Variants in ZSCAN31 observed in about 807,000 individuals in gnomAD.
The protein encoded by ZSCAN31 is zinc finger and SCAN domain containing 31, also known as zinc finger and SCAN domain-containing protein 31.
ZSCAN31 carries 14 observed loss-of-function variants against 22.5 expected under a neutral mutation model. The observed-to-expected ratio is 0.62, with a 90% CI of 0.41 to 0.97. ZSCAN31 has a LOEUF of 0.97. ZSCAN31 is among the 50% of genes least tolerant of loss of function. The pLI is 0.00. For missense variants in ZSCAN31, 424 were observed against 483.4 expected, an observed-to-expected ratio of 0.88 and a Z score of 1.15; for synonymous variants, 168 against 169.8, an observed-to-expected ratio of 0.99 and a Z score of 0.08.
chr6:28,330,252 C>T (rs1763638720), intron 1 of ZSCAN31, among the ~76,000 whole-genome samples: 1 of 152,126 alleles, frequency 6.6e-6, no homozygotes, highest in African/African-American at 2.4e-5. Context: ...GACATGTGAG[C>T]AGGCCTAGCC....
At chr6:28,326,968 C>T in intron 3 of ZSCAN31, 114 bp from the exon 4 acceptor site, 1 of 1,081,296 alleles carries the variant, frequency 9.2e-7, no homozygotes, top group Admixed American at 2.6e-5. Context: ...GAATGAAGAA[C>T]TGTCAGTTAA....
intron 2 of ZSCAN31, among the ~76,000 whole-genome samples, chr6:28,328,737 G>C (rs191324996): frequency 3.9e-5 from 6 of 152,292 alleles, no homozygotes; most frequent in African/African-American, 7.2e-5. Flanking sequence ...GGTATTGATT[G>C]GGGAAGTGAT....
In ZSCAN31 at chr6:28,353,512, T is replaced by A. The variant is rs1449217343; in HGVS notation, c.-371+350A>T. On this transcript the variant is annotated intron_variant, in intron 2 of 7. Coordinates refer to the ZSCAN31 transcript ENST00000396838. ...AATACAGAAATCATCCATTACAAAGTGATGACTCTGACGAAACCTGATGGC... is the reference window on the plus strand; with the variant it reads ...AATACAGAAATCATCCATTACAAAGAGATGACTCTGACGAAACCTGATGGC... 1.7e-5 allele frequency: 3 copies of A among 181,434 alleles called. No individual in the cohort carries two copies. In the East Asian group the frequency reaches 4.2e-4, roughly 25 times the overall value. 11.2% of individuals were successfully genotyped at this position (181,434 alleles called of 1,614,324 possible).
upstream of ZSCAN31, chr6:28,354,249 T>C (rs929437393): frequency 2.5e-5 from 7 of 283,688 alleles, no homozygotes; most frequent in Non-Finnish European, 5.0e-5. Flanking sequence ...TTACAGACAA[T>C]AGTGGCTGTA....
intron 3 of ZSCAN31, among the ~76,000 whole-genome samples, chr6:28,341,377 A>G (rs1438102192): frequency 6.6e-6 from 1 of 152,280 alleles, no homozygotes; most frequent in South Asian, 2.1e-4. Context: ...GCTTCTCTCT[A>G]CTTTATAGAT....
intron 2 of ZSCAN31, among the ~76,000 whole-genome samples, chr6:28,328,977 T>G (rs1561908606): frequency 1.3e-5 from 2 of 152,286 alleles, no homozygotes; most frequent in South Asian, 2.1e-4. Context: ...TTCTCCTCTC[T>G]GGAGGAAGCC....
At chr6:28,343,602 C>T (rs1764513142) in intron 2 of ZSCAN31, among the ~76,000 whole-genome samples, 1 of 130,502 alleles carries the variant, frequency 7.7e-6, no homozygotes, top group Admixed American at 9.5e-5. Flanking sequence ...GGAGTGCAGT[C>T]GCGGGATCTC....
upstream of ZSCAN31, chr6:28,354,327 G>T (rs1433747321): frequency 4.6e-6 from 1 of 219,464 alleles, no homozygotes; most frequent in Non-Finnish European, 9.4e-6. Context: ...TTCCAAACTC[G>T]CTGAGTCACG....
chr6:28,348,508 C>T (rs1764743531), intron 2 of ZSCAN31, among the ~76,000 whole-genome samples: 1 of 152,124 alleles, frequency 6.6e-6, no homozygotes. Flanking sequence ...TTATTCCTCA[C>T]TGATTTGTAA....
chr6:28,336,799 C>G (rs1169054464), upstream of ZSCAN31: 1 of 152,122 alleles, frequency 6.6e-6, no homozygotes, highest in Admixed American at 6.5e-5. Context: ...CCTATTCTTC[C>G]CCGAGTCTGT....
At position 28,329,674 on chromosome 6, in the gene ZSCAN31, T is replaced by C. The variant is rs752123455; in HGVS notation, c.10A>G (p.Thr4Ala). Residue 4 changes from threonine to alanine, a missense_variant, in exon 2 of 4, where the codon ACA becomes GCA. Physicochemically the swap from Thr to Ala is moderately conservative, Grantham distance 58 (BLOSUM62 0). Coordinates refer to ENST00000344279, the MANE Select transcript of ZSCAN31 (RefSeq NM_030899.5). Reference protein sequence around the residue: MASTEEQYDLKIVK... With the variant: MASAEEQYDLKIVK... ...ATCTTAAGATCGTACTGTTCCTCTG[T>C]TGAAGCCATTCCTGGGGTTAATTTG... 2.5e-6 allele frequency: 4 copies of C among 1,609,570 alleles called. No homozygotes were observed. The Admixed American group carries it at 5.0e-5, about 20-fold the overall frequency.
chr6:28,328,816 A>C (rs1763511846), intron 2 of ZSCAN31, among the ~76,000 whole-genome samples: 1 of 152,218 alleles, frequency 6.6e-6, no homozygotes, highest in Non-Finnish European at 1.5e-5. Context: ...GAAATTACAA[A>C]AGTATTAATT....
chr6:28,325,153 C>T lies in ZSCAN31; in HGVS notation c.*1013G>A, dbSNP rs878993292. 1 of 152,316 alleles carries T rather than the reference C, an allele frequency of 6.6e-6. No individual in the cohort carries two copies. The highest frequency in any genetic ancestry group is 2.1e-4 in the South Asian group (1 of 4,826). The allele number at this position is 152,316 out of a possible 1,614,324, so 9.4% of individuals were successfully genotyped here. A position where few individuals can be genotyped will look rare whatever the true frequency, so the allele number is the denominator to read the frequency against. The stretch of plus-strand genomic sequence containing the variant: ...CCCTGGCAATAAGTGTCTAAGCATG[C>T]TGGTCTCCCCAGTAAGCAGCAAGCT... On this transcript the variant is annotated 3_prime_UTR_variant, in exon 4 of 4. Coordinates refer to ENST00000344279, the MANE Select transcript of ZSCAN31 (RefSeq NM_030899.5).
At position 28,326,123 on chromosome 6, in the gene ZSCAN31, A is replaced by G; in HGVS notation, c.*43T>C. 1 of 1,523,732 alleles carries G rather than the reference A, an allele frequency of 6.6e-7. No homozygotes were observed. The highest frequency in any genetic ancestry group is 8.9e-7 in the Non-Finnish European group (1 of 1,124,714). The allele number at this position is 1,523,732 out of a possible 1,614,324, so 94.4% of individuals were successfully genotyped here. On this transcript the variant is annotated 3_prime_UTR_variant, in exon 4 of 4. Transcript: ENST00000344279. ...CAGTATGGATTCTAAAATGCCTAAT[A>G]AGGTTGCAATGATGACTGAAGGCTT...
At chr6:28,355,601 T>G (rs1228085014), upstream of ZSCAN31, 1 of 152,208 alleles carries the variant, frequency 6.6e-6, no homozygotes. Flanking sequence ...GAATAGCCTG[T>G]TTGGCTGCCA....
chr6:28,326,828 C>G lies in ZSCAN31; in HGVS notation c.559G>C (p.Glu187Gln), dbSNP rs1482387602. 1.2e-6 allele frequency: 2 copies of G among 1,611,986 alleles called. No homozygotes were observed. Among genetic ancestry groups the G allele is most frequent in the Non-Finnish European group, 1.7e-6 (2 of 1,179,730 alleles). The change falls in exon 4 of 4, where the codon GAG becomes CAG. Residue 187 changes from glutamate (E) to glutamine (Q), a missense_variant. Coordinates refer to ENST00000344279, the MANE Select transcript of ZSCAN31 (RefSeq NM_030899.5). ...QDGESIPENQELASKQEILKE... is the reference protein window; with the variant it reads ...QDGESIPENQQLASKQEILKE... ...AAGATTTCTTGCTTTGATGCCAACT[C>G]CTGGTTCTCAGGTATACTTTCACCA...
upstream of ZSCAN31, among the ~76,000 whole-genome samples, chr6:28,337,170 A>C (rs1424417150): frequency 6.6e-6 from 1 of 152,220 alleles, no homozygotes. Flanking sequence ...GTACACTGGA[A>C]AAGGAGCAAA....
At position 28,346,879 on chromosome 6, in the gene ZSCAN31, C is replaced by T. The variant is rs1764668573; in HGVS notation, c.-370-5087G>A. ...ACAACACTAGGAACTGTAAATCTTTCTACTAATCTATTCTTATAAATTTCC... is the reference window on the plus strand; with the variant it reads ...ACAACACTAGGAACTGTAAATCTTTTTACTAATCTATTCTTATAAATTTCC... On this transcript the variant is annotated intron_variant, in intron 2 of 7. Coordinates refer to the ZSCAN31 transcript ENST00000396838. Among the ~76,000 whole-genome samples the T allele has an allele frequency of 3.3e-5, 5 of 152,240 alleles. No individual in the cohort carries two copies. In the South Asian group the frequency reaches 1.0e-3, roughly 32 times the overall value.
Position 28,333,577 on chromosome 6 carries a change from A to C in ZSCAN31, c.-96+2505T>G, listed in dbSNP as rs1763920566. Among the ~76,000 whole-genome samples, 1 of 152,202 alleles carries C rather than the reference A, an allele frequency of 6.6e-6. No individual in the cohort carries two copies. Among genetic ancestry groups the C allele is most frequent in the Admixed American group, 6.5e-5 (1 of 15,278 alleles). ...AGCCTATTTAGATGGGGTAGTGGGAAGTGAGGTAACATTTAAGCCAAGCCC... is the reference window on the plus strand; with the variant it reads ...AGCCTATTTAGATGGGGTAGTGGGACGTGAGGTAACATTTAAGCCAAGCCC... On this transcript the variant is annotated intron_variant, in intron 1 of 3. Coordinates refer to ENST00000344279, the MANE Select transcript of ZSCAN31 (RefSeq NM_030899.5). The surrounding 1 kb of genome is among the most constrained non-coding windows in gnomAD (Gnocchi z 4.1).
Sources: allele counts gnomAD v4.1 joint callset (sites outside exome capture counted in the v4.1 genomes callset), GRCh38; gene constraint gnomAD v4.1.1; non-coding constraint Gnocchi (gnomAD v3.1); transcripts MANE v1.5; gene names NCBI Gene and HGNC (gene_info 2026-07-23, HGNC 2026-07-21).